The following ADK variants were observed in gnomAD, a reference collection of about 807,000 sequenced individuals.
ADK encodes adenosine kinase, also known as N6,N6-dimethyladenosine kinase.
A neutral mutation model predicts 44.7 loss-of-function variants in ADK; 24 were observed. The observed-to-expected ratio is 0.54, with a 90% CI of 0.39 to 0.76. The LOEUF (loss-of-function observed/expected upper bound fraction) is 0.76, where lower values mean the gene tolerates loss of function less well. Ranked by LOEUF, ADK falls within the 30% of genes least tolerant of loss-of-function variation. The probability of loss-of-function intolerance (pLI) is 0.00; values close to 1 mark genes in which losing one functional copy is unlikely to be tolerated. For missense variants in ADK, 321 were observed against 425.1 expected (o/e 0.76, Z 2.15); for synonymous variants, 128 against 142.6 (o/e 0.90, Z 0.73).
intron 7 of ADK, among the ~76,000 whole-genome samples, chr10:74,568,299 T>A (rs1365042868): frequency 3.3e-5 from 5 of 152,204 alleles, no homozygotes; most frequent in African/African-American, 1.2e-4. Context: ...TAAATATTGC[T>A]TTCCCCTTAA....
At chr10:74,224,879 A>T (rs1190522873) in intron 3 of ADK, among the ~76,000 whole-genome samples, 1 of 152,214 alleles carries the variant, frequency 6.6e-6, no homozygotes, top group Non-Finnish European at 1.5e-5. Flanking sequence ...CTTTCCAGAT[A>T]AAATATTAAA....
chr10:74,559,435 A>G, intron 7 of ADK, among the ~76,000 whole-genome samples: 1 of 152,232 alleles, frequency 6.6e-6, no homozygotes, highest in East Asian at 1.9e-4. Flanking sequence ...ATATGAATAC[A>G]TCATTGTTTA....
chr10:74,289,297 C>G (rs1847312632), intron 3 of ADK, among the ~76,000 whole-genome samples: 1 of 152,126 alleles, frequency 6.6e-6, no homozygotes, highest in African/African-American at 2.4e-5. Flanking sequence ...AAGTGATCAG[C>G]CCGCCTCTGA....
chr10:74,382,365 C>T (rs1842999190), intron 4 of ADK, among the ~76,000 whole-genome samples: 1 of 152,182 alleles, frequency 6.6e-6, no homozygotes, highest in South Asian at 2.1e-4. Flanking sequence ...TCCCAAAATG[C>T]TGGGATTGCA....
intron 3 of ADK, among the ~76,000 whole-genome samples, chr10:74,293,133 T>G (rs1235264936): frequency 8.7e-6 from 1 of 115,082 alleles, no homozygotes; most frequent in Non-Finnish European, 1.6e-5. Flanking sequence ...ATCACTTCAC[T>G]CCAGCCCCCG....
At chr10:74,636,904 G>A (rs1212685496) in intron 9 of ADK, among the ~76,000 whole-genome samples, 8 of 152,112 alleles carry the variant, frequency 5.3e-5, no homozygotes, top group Admixed American at 1.3e-4. Flanking sequence ...GTGAATTGGG[G>A]GACATAGTTC....
intron 3 of ADK, among the ~76,000 whole-genome samples, chr10:74,261,152 G>A (rs1386138204): frequency 6.6e-6 from 1 of 152,150 alleles, no homozygotes; most frequent in Non-Finnish European, 1.5e-5. Context: ...ATTGAGTGCT[G>A]TAATATAGCA....
chr10:74,423,786 TG>T, intron 6 of ADK: 1 of 350,528 alleles, frequency 2.9e-6, no homozygotes, highest in Non-Finnish European at 5.7e-6. Flanking sequence ...ACATGGGGGC[TG>T]GGCTATGATA....
At chr10:74,166,049 C>T (rs537617763) in intron 1 of ADK, among the ~76,000 whole-genome samples, 1 of 152,278 alleles carries the variant, frequency 6.6e-6, no homozygotes, top group Non-Finnish European at 1.5e-5. Flanking sequence ...AAGTGATTCT[C>T]CTGACTCAGC....
intron 10 of ADK, among the ~76,000 whole-genome samples, chr10:74,697,373 C>CA (rs1378637577): frequency 6.6e-6 from 1 of 151,696 alleles, no homozygotes; most frequent in Non-Finnish European, 1.5e-5. Context: ...TCCATTTCTA[C>CA]AAAAAATAGA....
chr10:74,664,291 A>G lies in ADK; in HGVS notation c.878-5892A>G, dbSNP rs377038429. Among the ~76,000 whole-genome samples the G allele has an allele frequency of 5.9e-5, 9 of 152,304 alleles. No homozygotes were observed. The East Asian group carries it at 1.2e-3, about 20-fold the overall frequency. ...TCCAGAGTAGCCTAGATAGTATGAT[A>G]CCTTTTTTTGTGTGGGTGAGGGGAG... On this transcript the variant is annotated intron_variant, in intron 9 of 10. Transcript: ENST00000539909.
At chr10:74,157,065 G>A (rs944234797) in intron 1 of ADK, among the ~76,000 whole-genome samples, 4 of 152,200 alleles carry the variant, frequency 2.6e-5, no homozygotes, top group African/African-American at 9.7e-5. Context: ...TCTGCTCTTG[G>A]CTGTTGCTTT....
At chr10:74,406,303 C>T (rs1210255690) in intron 6 of ADK, among the ~76,000 whole-genome samples, 1 of 151,920 alleles carries the variant, frequency 6.6e-6, no homozygotes, top group Non-Finnish European at 1.5e-5. Flanking sequence ...ATCATTGTTC[C>T]CTCTTACCTA....
intron 10 of ADK, among the ~76,000 whole-genome samples, chr10:74,694,147 ATTTTTT>A (rs10669118): frequency 2.4e-4 from 20 of 82,312 alleles, no homozygotes; most frequent in African/African-American, 6.3e-4. Flanking sequence ...TTTCAAACAC[ATTTTTT>A]TTTTTTTTTT....
chr10:74,614,096 A>G (rs184946431), intron 9 of ADK, among the ~76,000 whole-genome samples: 6 of 152,274 alleles, frequency 3.9e-5, no homozygotes, highest in African/African-American at 1.2e-4. Context: ...TAATTGGTCA[A>G]AAATAATTTA....
At chr10:74,626,490 A>G (rs369500738) in intron 9 of ADK, among the ~76,000 whole-genome samples, 3 of 151,912 alleles carry the variant, frequency 2.0e-5, no homozygotes, top group African/African-American at 7.3e-5. Context: ...TTTAGTAGAG[A>G]TGGGGTTTTA....
chr10:74,452,734 A>G (rs968572017), intron 6 of ADK, among the ~76,000 whole-genome samples: 3 of 152,042 alleles, frequency 2.0e-5, no homozygotes, highest in Non-Finnish European at 2.9e-5. Flanking sequence ...TACCAGATGT[A>G]CTTTGTGGTT....
At chr10:74,635,731 T>A (rs1314095483) in intron 9 of ADK, among the ~76,000 whole-genome samples, 2 of 152,102 alleles carry the variant, frequency 1.3e-5, no homozygotes. Flanking sequence ...AAGGCCAACA[T>A]TTCCAGAGTC....
intron 9 of ADK, among the ~76,000 whole-genome samples, chr10:74,603,866 A>G (rs1246538615): frequency 1.3e-5 from 2 of 152,202 alleles, no homozygotes; most frequent in Non-Finnish European, 2.9e-5. Flanking sequence ...ACTTCCACCA[A>G]CAGTGTAAAA....
Sources: allele counts gnomAD v4.1 joint callset (sites outside exome capture counted in the v4.1 genomes callset), GRCh38; gene constraint gnomAD v4.1.1; transcripts MANE v1.5; gene names NCBI Gene and HGNC (gene_info 2026-07-23, HGNC 2026-07-21).